Variants in DOCK3 observed in about 807,000 individuals in gnomAD.
DOCK3 encodes dedicator of cytokinesis protein 3.
A neutral mutation model predicts 265.6 loss-of-function variants in DOCK3; 60 were observed. The observed-to-expected ratio is 0.23, with a 90% CI of 0.18 to 0.28. The LOEUF (loss-of-function observed/expected upper bound fraction) is 0.28. Ranked by LOEUF, DOCK3 falls within the 10% of genes least tolerant of loss-of-function variation. The probability of loss-of-function intolerance (pLI) is 1.00; values close to 1 mark genes in which losing one functional copy is unlikely to be tolerated. For missense variants in DOCK3, 1,981 were observed against 2,594.3 expected, an observed-to-expected ratio of 0.76 and a Z score of 5.14; for synonymous variants, 881 against 938.0, an observed-to-expected ratio of 0.94 and a Z score of 1.11.
At chr3:50,914,726 A>G (rs1288926532) in intron 4 of DOCK3, among the ~76,000 whole-genome samples, 1 of 152,130 alleles carries the variant, frequency 6.6e-6, no homozygotes, top group Non-Finnish European at 1.5e-5. Flanking sequence ...TGTGTAGTTT[A>G]AATCCAATGT....
chr3:51,347,773 A>G (rs1370389125), intron 38 of DOCK3, among the ~76,000 whole-genome samples: 1 of 152,208 alleles, frequency 6.6e-6, no homozygotes, highest in Non-Finnish European at 1.5e-5. Flanking sequence ...ATCCATGAGC[A>G]TGGAATGTTC....
chr3:51,371,736 A>G (rs1014597684), intron 49 of DOCK3, among the ~76,000 whole-genome samples: 2 of 152,206 alleles, frequency 1.3e-5, no homozygotes, highest in South Asian at 2.1e-4. Flanking sequence ...TCCTTGCCAT[A>G]CCCATGGACA....
Position 51,201,677 on chromosome 3 carries a change from A to G in DOCK3, c.1038-7097A>G, listed in dbSNP as rs1213256384. Reference sequence around the variant, plus strand: ...CAGCTCCGCACCAAGCAGACCTAATAGACATCTACAGAACTCTCCACCCCA... The same window carrying G: ...CAGCTCCGCACCAAGCAGACCTAATGGACATCTACAGAACTCTCCACCCCA... On this transcript the variant is annotated intron_variant, in intron 12 of 52. Transcript: ENST00000266037. Among the ~76,000 whole-genome samples the G allele has an allele frequency of 3.9e-5, 6 of 152,220 alleles. No individual in the cohort carries two copies. In the East Asian group the frequency reaches 1.2e-3, roughly 29 times the overall value.
intron 36 of DOCK3, among the ~76,000 whole-genome samples, chr3:51,338,726 A>G (rs2085031656): frequency 6.6e-6 from 1 of 151,998 alleles, no homozygotes; most frequent in African/African-American, 2.4e-5. Context: ...TTTTCCTCTT[A>G]ACACTACCCA....
At chr3:50,753,210 TC>T (rs1453001191) in intron 1 of DOCK3, among the ~76,000 whole-genome samples, 1 of 152,232 alleles carries the variant, frequency 6.6e-6, no homozygotes, top group Non-Finnish European at 1.5e-5. Context: ...TGTTCCTTGT[TC>T]CCTGTGATCA....
chr3:51,038,726 C>A lies in DOCK3; in HGVS notation c.316-25722C>A, dbSNP rs559056805. ...AAGTAAGGGTTGAAGTAATCATATT[C>A]CCTGGTTCATGGCACATTATTGTCA... On this transcript the variant is annotated intron_variant, in intron 5 of 52. Transcript: ENST00000266037. Among the ~76,000 whole-genome samples, 3 of 152,214 alleles carry A rather than the reference C, an allele frequency of 2.0e-5. No individual in the cohort carries two copies. In the East Asian group the frequency reaches 5.8e-4, roughly 29 times the overall value.
At chr3:51,203,617 C>T (rs1270768680) in intron 12 of DOCK3, among the ~76,000 whole-genome samples, 1 of 152,156 alleles carries the variant, frequency 6.6e-6, no homozygotes, top group Non-Finnish European at 1.5e-5. Flanking sequence ...TCAATGCCAT[C>T]CCCATCAAGC....
chr3:50,881,515 A>G (rs767120398), intron 3 of DOCK3, among the ~76,000 whole-genome samples: 4 of 152,202 alleles, frequency 2.6e-5, no homozygotes, highest in Non-Finnish European at 5.9e-5. Context: ...CCCATTCACA[A>G]TTGCTTCAAA....
At chr3:51,297,047 G>C (rs1364816906) in intron 27 of DOCK3, among the ~76,000 whole-genome samples, 1 of 145,112 alleles carries the variant, frequency 6.9e-6, no homozygotes, top group African/African-American at 2.5e-5. Context: ...GAATCCAGGA[G>C]GCAGAGGTTG....
chr3:51,037,688 C>G (rs1057378072), intron 5 of DOCK3, among the ~76,000 whole-genome samples: 1 of 152,058 alleles, frequency 6.6e-6, no homozygotes, highest in African/African-American at 2.4e-5. Context: ...GTTTTTTCTT[C>G]TTCGTCTCAT....
chr3:51,342,641 G>C (rs2085315712), intron 38 of DOCK3, among the ~76,000 whole-genome samples: 1 of 152,228 alleles, frequency 6.6e-6, no homozygotes, highest in Non-Finnish European at 1.5e-5. Context: ...ACAGAGTGGA[G>C]AGTTATCCTA....
At chr3:50,790,003 G>A (rs2108595246) in intron 2 of DOCK3, among the ~76,000 whole-genome samples, 1 of 152,332 alleles carries the variant, frequency 6.6e-6, no homozygotes, top group South Asian at 2.1e-4. Context: ...AAACTGTTGA[G>A]ATTACAGGCA....
At chr3:50,921,124 C>G (rs562926524) in intron 4 of DOCK3, among the ~76,000 whole-genome samples, 3 of 152,222 alleles carry the variant, frequency 2.0e-5, no homozygotes, top group Admixed American at 2.0e-4. Context: ...CAGTTTGTTA[C>G]AATTTCTGTT....
intron 21 of DOCK3, among the ~76,000 whole-genome samples, chr3:51,246,088 A>G (rs1473238263): frequency 6.6e-6 from 1 of 152,228 alleles, no homozygotes; most frequent in African/African-American, 2.4e-5. Flanking sequence ...TAGATGAGAT[A>G]GAGCAGGGGT....
At chr3:51,053,105 A>ATATATATATATG (rs2081064768) in intron 5 of DOCK3, among the ~76,000 whole-genome samples, 1 of 101,484 alleles carries the variant, frequency 9.9e-6, no homozygotes, top group Non-Finnish European at 2.1e-5. Flanking sequence ...ATATATATAT[A>ATATATATATATG]TATATATATA....
chr3:51,312,973 C>T (rs572335773), intron 31 of DOCK3, 71 bp downstream of exon 31: 125 of 1,374,428 alleles, frequency 9.1e-5, no homozygotes, highest in Non-Finnish European at 1.2e-4. Context: ...AGACTAATAA[C>T]ATCTCCCAGG....
At chr3:50,817,097 G>A (rs1433047124) in intron 2 of DOCK3, among the ~76,000 whole-genome samples, 1 of 152,186 alleles carries the variant, frequency 6.6e-6, no homozygotes, top group Non-Finnish European at 1.5e-5. Context: ...GCCAAACATG[G>A]GGTGGATTAT....
Position 51,237,479 on chromosome 3 carries a change from A to T in DOCK3, c.2002-11A>T, listed in dbSNP as rs776772642. The T allele has an allele frequency of 2.2e-5, 35 of 1,611,636 alleles. No individual in the cohort carries two copies. Among genetic ancestry groups the T allele is most frequent in the Non-Finnish European group, 2.5e-5 (29 of 1,178,760 alleles). On this transcript the variant is annotated splice_polypyrimidine_tract_variant and intron_variant, in intron 20 of 52. Transcript: ENST00000266037. The stretch of plus-strand genomic sequence containing the variant: ...AGTGAACCCTGATGGCTTACTCTCC[A>T]TATCTCCCAGGTGTTCATCATCAAC...
At chr3:51,054,249 G>A (rs2081118214) in intron 5 of DOCK3, among the ~76,000 whole-genome samples, 1 of 148,702 alleles carries the variant, frequency 6.7e-6, no homozygotes, top group East Asian at 2.0e-4. Flanking sequence ...ATACTTCTTT[G>A]TTACAAATAA....
Sources: allele counts gnomAD v4.1 joint callset (sites outside exome capture counted in the v4.1 genomes callset), GRCh38; gene constraint gnomAD v4.1.1; transcripts MANE v1.5; gene names NCBI Gene and HGNC (gene_info 2026-07-23, HGNC 2026-07-21).